The following CFAP251 variants were observed in gnomAD, a reference collection of about 807,000 sequenced individuals.
CFAP251 encodes cilia and flagella associated protein 251, also known as cilia- and flagella-associated protein 251.
CFAP251 carries 93 observed loss-of-function variants against 126.7 expected under a neutral mutation model. That is an observed-to-expected ratio of 0.73 (90% CI 0.62 to 0.87). The LOEUF (loss-of-function observed/expected upper bound fraction) is 0.87, where lower values mean the gene tolerates loss of function less well. Ranked by LOEUF, CFAP251 falls within the 40% of genes least tolerant of loss-of-function variation. The probability of loss-of-function intolerance (pLI) is 0.00; values close to 1 mark genes in which losing one functional copy is unlikely to be tolerated. For synonymous variants in CFAP251, 503 were observed against 506.9 expected (o/e 0.99, Z 0.10); for missense variants, 1,287 against 1,389.2 (o/e 0.93, Z 1.17).
At chr12:121,946,415 G>A (rs191950989) in intron 7 of CFAP251, among the ~76,000 whole-genome samples, 204 of 152,232 alleles carry the variant, frequency 1.3e-3, no homozygotes, top group African/African-American at 4.7e-3. Flanking sequence ...TTCTAGAGTG[G>A]TAGTATTTTC....
rs752494824 is a variant in CFAP251 at position 121,975,296 on chromosome 12, G to A, written c.2824G>A (p.Gly942Ser). The change falls in exon 18 of 22, where the codon GGT (glycine) becomes AGT (serine). Residue 942 changes from glycine (G) to serine (S), a missense_variant. Transcript: ENST00000288912. ...LGGEDLTPFY[G>S]LLSGGREGKF... Reference sequence around the variant, plus strand: ...GGGTGAAGACTTGACCCCATTCTATGGTCTGCTGTCTGGTGGCCGGGAAGG... The same window carrying A: ...GGGTGAAGACTTGACCCCATTCTATAGTCTGCTGTCTGGTGGCCGGGAAGG... 4.3e-6 allele frequency: 7 copies of A among 1,614,008 alleles called. No homozygotes were observed. Among genetic ancestry groups the A allele is most frequent in the Non-Finnish European group, 5.9e-6 (7 of 1,180,028 alleles).
Position 121,968,068 on chromosome 12 carries a change from C to T in CFAP251, c.2670C>T (p.His890=), listed in dbSNP as rs1201803194. 1 of 1,613,546 alleles carries T rather than the reference C, an allele frequency of 6.2e-7. No homozygotes were observed. The highest frequency in any genetic ancestry group is 1.7e-5 in the Admixed American group (1 of 59,996). The change falls in exon 17 of 22, where the codon CAC becomes CAT. Residue 890 remains histidine (H), a synonymous_variant. Transcript: ENST00000288912. ...ATAAGACATCTGCTATTGTTTGCCA[C>T]CCGAACGGGGTGGCCGGCATGGCCG... The part of the protein sequence containing the change: ...NPHKTSAIVC[H]PNGVAGMAVS...
At chr12:121,938,759 G>T (rs959809196) in intron 5 of CFAP251, among the ~76,000 whole-genome samples, 1 of 150,478 alleles carries the variant, frequency 6.6e-6, no homozygotes, top group Non-Finnish European at 1.5e-5. Flanking sequence ...GAGGCGGGTG[G>T]ATCACTTGAG....
intron 10 of CFAP251, among the ~76,000 whole-genome samples, chr12:121,955,350 C>G (rs995491861): frequency 1.3e-5 from 2 of 152,140 alleles, no homozygotes; most frequent in African/African-American, 4.8e-5. Flanking sequence ...CATCAAAACT[C>G]TGTCTTAATT....
chr12:121,951,359 C>T, intron 8 of CFAP251, 121 bp from the exon 9 acceptor site: 1 of 549,472 alleles, frequency 1.8e-6, no homozygotes, highest in Non-Finnish European at 3.2e-6. Flanking sequence ...GTTCTCTTAC[C>T]TGTAGAAACT....
chr12:122,002,953 CT>C (rs748192535), intron 21 of CFAP251, among the ~76,000 whole-genome samples: 2 of 152,160 alleles, frequency 1.3e-5, no homozygotes, highest in Non-Finnish European at 2.9e-5. Context: ...ACTCCAGTAG[CT>C]AACAGGTCAT....
intron 5 of CFAP251, among the ~76,000 whole-genome samples, chr12:121,936,621 G>A (rs73415629): frequency 0.022 from 3,309 of 152,198 alleles, 109 homozygotes; most frequent in African/African-American, 0.074. Context: ...CTTATCTGCC[G>A]AGGACATTGG....
chr12:121,935,777 ACT>A (rs1260575574), intron 5 of CFAP251, among the ~76,000 whole-genome samples: 2 of 151,946 alleles, frequency 1.3e-5, no homozygotes, highest in Non-Finnish European at 2.9e-5. Context: ...CAGCCCACGG[ACT>A]CTCTGGCACT....
At chr12:121,979,470 A>G (rs577233976) in intron 19 of CFAP251, among the ~76,000 whole-genome samples, 1 of 149,680 alleles carries the variant, frequency 6.7e-6, no homozygotes, top group East Asian at 2.0e-4. Context: ...GATTCTCTAC[A>G]TCTCCTGGGG....
At chr12:122,001,356 T>A (rs1457601078) in intron 20 of CFAP251, 141 bp from the exon 21 acceptor site, 2 of 774,334 alleles carry the variant, frequency 2.6e-6, no homozygotes, top group African/African-American at 1.7e-5. Context: ...ACGCCCAGCC[T>A]AAATTTTTTT....
intron 5 of CFAP251, 28 bp from the exon 6 acceptor site, chr12:121,942,506 G>A (rs776183492): frequency 1.3e-6 from 2 of 1,558,070 alleles, no homozygotes; most frequent in Non-Finnish European, 1.8e-6. Context: ...ACCTCAGCAA[G>A]TGTCGCCCCC....
intron 7 of CFAP251, chr12:121,948,745 C>T: frequency 3.6e-6 from 1 of 280,866 alleles, no homozygotes; most frequent in Non-Finnish European, 6.6e-6. Context: ...AAAGCTTATT[C>T]TAATTTATAG....
chr12:121,988,873 C>A (rs776666740), intron 19 of CFAP251, among the ~76,000 whole-genome samples: 2 of 151,652 alleles, frequency 1.3e-5, no homozygotes, highest in Non-Finnish European at 2.9e-5. Context: ...GTACCTGGGA[C>A]TACAGGTGCC....
At chr12:121,986,827 C>T (rs1882760936) in intron 19 of CFAP251, among the ~76,000 whole-genome samples, 1 of 151,574 alleles carries the variant, frequency 6.6e-6, no homozygotes, top group Admixed American at 6.6e-5. Context: ...CCGTTTCATT[C>T]AGTGGCATCT....
At chr12:121,919,147 T>TG (rs386377994) in intron 1 of CFAP251, among the ~76,000 whole-genome samples, 11 of 150,586 alleles carry the variant, frequency 7.3e-5, no homozygotes, top group Non-Finnish European at 1.6e-4. Context: ...ATTATTATTT[T>TG]TTTTTTACCA....
chr12:121,923,985 C>G lies in CFAP251; in HGVS notation c.742C>G (p.Pro248Ala). The G allele has an allele frequency of 2.5e-6, 4 of 1,601,672 alleles. No homozygotes were observed. Among genetic ancestry groups the G allele is most frequent in the Non-Finnish European group, 3.4e-6 (4 of 1,175,794 alleles). The change falls in exon 3 of 22, where the codon CCC (proline) becomes GCC (alanine). Residue 248 changes from proline to alanine, a missense_variant. Physicochemically the swap from Pro to Ala is conservative, Grantham distance 27 (BLOSUM62 -1). Coordinates refer to ENST00000288912, the MANE Select transcript of CFAP251 (RefSeq NM_144668.6). The stretch of plus-strand genomic sequence containing the variant: ...AAAGGATAAAAGCACCCCGGTGTAT[C>G]CCTTGGTAAGTGTAATGCTTTTAAA... ...FQKDKSTPVY[P>A]LTMTWSFGWN...
chr12:121,970,739 G>A (rs1162648411), intron 17 of CFAP251, among the ~76,000 whole-genome samples: 3 of 152,374 alleles, frequency 2.0e-5, no homozygotes, highest in East Asian at 3.9e-4. Context: ...TACACCACAA[G>A]AAGGTCACGG....
chr12:121,923,989 T>C lies in CFAP251; in HGVS notation c.746T>C (p.Leu249Ser), dbSNP rs978054287. 4 of 1,596,698 alleles carry C rather than the reference T, an allele frequency of 2.5e-6. No homozygotes were observed. Among genetic ancestry groups the C allele is most frequent in the Non-Finnish European group, 3.4e-6 (4 of 1,174,050 alleles). ...GATAAAAGCACCCCGGTGTATCCCT[T>C]GGTAAGTGTAATGCTTTTAAATCTC... ...QKDKSTPVYP[L>S]TMTWSFGWNS... The change falls in exon 3 of 22, where the codon TTG becomes TCG. Residue 249 changes from leucine (L) to serine (S), a missense_variant and splice_region_variant. Leu to Ser is a moderately radical substitution (Grantham distance 145, BLOSUM62 -2). Coordinates refer to ENST00000288912, the MANE Select transcript of CFAP251 (RefSeq NM_144668.6).
intron 3 of CFAP251, among the ~76,000 whole-genome samples, 167 bp from the exon 4 acceptor site, chr12:121,931,579 C>T (rs11615745): frequency 0.016 from 2,372 of 152,344 alleles, 23 homozygotes; most frequent in Admixed American, 0.023. Flanking sequence ...TCCCAAAGTG[C>T]TGGGATTACA....
Sources: gnomAD v4.1 joint callset for allele counts (sites outside exome capture counted in the v4.1 genomes callset) on GRCh38, gnomAD v4.1.1 for gene constraint, MANE v1.5 for transcripts, NCBI Gene and HGNC (gene_info 2026-07-23, HGNC 2026-07-21) for gene names.